The following BMP8B variants were observed in gnomAD, a reference collection of about 807,000 sequenced individuals.
BMP8B encodes bone morphogenetic protein 8 (osteogenic protein 2).
BMP8B carries 17 observed loss-of-function variants against 30.3 expected under a neutral mutation model. That is an observed-to-expected ratio of 0.56 (90% CI 0.38 to 0.84). BMP8B has a LOEUF of 0.84. Ranked by LOEUF, BMP8B falls within the 40% of genes least tolerant of loss-of-function variation. The probability of loss-of-function intolerance (pLI) is 0.00; values close to 1 mark genes in which losing one functional copy is unlikely to be tolerated. For synonymous variants in BMP8B, 131 were observed against 214.7 expected, an observed-to-expected ratio of 0.61 and a Z score of 3.41; for missense variants, 253 against 494.6, an observed-to-expected ratio of 0.51 and a Z score of 4.63.
At chr1:39,762,722 C>T (rs1649166162) in intron 6 of BMP8B, 7 of 1,439,778 alleles carry the variant, frequency 4.9e-6, no homozygotes, top group Admixed American at 2.7e-5. Flanking sequence ...TGCCAGCGTA[C>T]TCGGCGGCCC....
chr1:39,766,955 G>T (rs1649657507), intron 3 of BMP8B, among the ~76,000 whole-genome samples: 1 of 152,264 alleles, frequency 6.6e-6, no homozygotes, highest in African/African-American at 2.4e-5. Context: ...GCCCAGGGCA[G>T]CCCTCCTGGC....
chr1:39,760,206 C>A lies in BMP8B; in HGVS notation c.*213G>T. ...GAACACTGCCTGATGATTGAGACCA[C>A]CTGGGCTGGAAACAGGACAGTCACA... On this transcript the variant is annotated 3_prime_UTR_variant, in exon 7 of 7. Coordinates refer to ENST00000372827, the MANE Select transcript of BMP8B (RefSeq NM_001720.5). 3 of 809,188 alleles carry A rather than the reference C, an allele frequency of 3.7e-6. No homozygotes were observed. Among genetic ancestry groups the A allele is most frequent in the Non-Finnish European group, 5.7e-6 (3 of 530,492 alleles). 50.1% of individuals were successfully genotyped at this position (809,188 alleles called of 1,614,324 possible). A position where few individuals can be genotyped will look rare whatever the true frequency, so the allele number is the denominator to read the frequency against.
intron 6 of BMP8B, among the ~76,000 whole-genome samples, chr1:39,762,858 G>A (rs988531186): frequency 5.9e-5 from 9 of 152,260 alleles, no homozygotes; most frequent in Admixed American, 2.6e-4. Flanking sequence ...ACAGGCATGT[G>A]TACACGACTG....
intron 1 of BMP8B, among the ~76,000 whole-genome samples, chr1:39,786,324 C>A (rs1650977942): frequency 6.6e-6 from 1 of 152,232 alleles, no homozygotes; most frequent in South Asian, 2.1e-4. Context: ...GGGCCTGGGG[C>A]CAACAGTGCC....
chr1:39,787,605 C>A (rs1651071407), intron 1 of BMP8B, among the ~76,000 whole-genome samples: 1 of 152,120 alleles, frequency 6.6e-6, no homozygotes, highest in African/African-American at 2.4e-5. Flanking sequence ...AGGCAACAGT[C>A]CCTGCCCCAG....
rs548095201 is a variant in BMP8B, at chr1:39,785,763, G to A, written c.334+2389C>T. 2.0e-5 allele frequency among the ~76,000 whole-genome samples: 3 copies of A among 152,260 alleles called. No individual in the cohort carries two copies. The South Asian group carries it at 6.2e-4, about 32-fold the overall frequency. On this transcript the variant is annotated intron_variant, in intron 1 of 6. Transcript: ENST00000372827. ...CAGGAGAAGGGCCACCAACCTCCAG[G>A]GGCCTCCAAACATGGAGAGCATCCT...
intron 1 of BMP8B, among the ~76,000 whole-genome samples, chr1:39,787,324 C>G (rs1410795381): frequency 6.6e-6 from 1 of 152,216 alleles, no homozygotes; most frequent in African/African-American, 2.4e-5. Flanking sequence ...CCCAGACTGT[C>G]ACTAGCCACA....
intron 6 of BMP8B, chr1:39,762,729 G>A: frequency 1.4e-6 from 2 of 1,429,916 alleles, no homozygotes; most frequent in East Asian, 5.0e-5. Context: ...GTACTCGGCG[G>A]CCCGTGTGCT....
chr1:39,770,319 C>A lies in BMP8B; in HGVS notation c.673+3989G>T, dbSNP rs571438719. The stretch of plus-strand genomic sequence containing the variant: ...CCTATGCCCAGATTGGCGTACATGC[C>A]GTCCTCAAATTCCAGAGCTGCGCGT... On this transcript the variant is annotated intron_variant, in intron 3 of 6. Coordinates refer to ENST00000372827, the MANE Select transcript of BMP8B (RefSeq NM_001720.5). 6.3e-7 allele frequency: 1 copy of A among 1,587,082 alleles called. No individual in the cohort carries two copies. The highest frequency in any genetic ancestry group is 8.5e-7 in the Non-Finnish European group (1 of 1,171,938).
intron 6 of BMP8B, chr1:39,762,360 CT>C: frequency 9.9e-7 from 1 of 1,008,486 alleles, no homozygotes; most frequent in Admixed American, 3.2e-5. Context: ...GTTGAACCTC[CT>C]AAGGGGAAAA....
chr1:39,763,112 G>T lies in BMP8B; in HGVS notation c.1039C>A (p.His347Asn). Residue 347 changes from histidine (H) to asparagine (N), a missense_variant, in exon 6 of 7, where the codon CAC becomes AAC. His to Asn is a moderately conservative substitution (Grantham distance 68). Coordinates refer to ENST00000372827, the MANE Select transcript of BMP8B (RefSeq NM_001720.5). ...CTGACCAGGGACTGCAGGATGGCGTGGTTGGTGGCATTCATGCAGGAGTCC... is the reference window on the plus strand; with the variant it reads ...CTGACCAGGGACTGCAGGATGGCGTTGTTGGTGGCATTCATGCAGGAGTCC... ...PLDSCMNATN[H>N]AILQSLVHLM... 4 of 1,614,038 alleles carry T rather than the reference G, an allele frequency of 2.5e-6. No individual in the cohort carries two copies. The highest frequency in any genetic ancestry group is 3.4e-6 in the Non-Finnish European group (4 of 1,179,948).
intron 6 of BMP8B, chr1:39,762,724 C>T (rs973933782): frequency 1.9e-5 from 27 of 1,438,052 alleles, no homozygotes; most frequent in South Asian, 2.9e-5. Flanking sequence ...CCAGCGTACT[C>T]GGCGGCCCGT....
intron 5 of BMP8B, among the ~76,000 whole-genome samples, 197 bp from the exon 6 acceptor site, chr1:39,763,399 G>GGCCCTCCCCAGCCGGCCCTCCCCAGCCC: frequency 6.9e-6 from 1 of 144,472 alleles, no homozygotes; most frequent in Non-Finnish European, 1.5e-5. Flanking sequence ...CTCCCCAGCC[G>GGCCCTCCCCAGCCGGCCCTCCCCAGCCC]GCCCTCCCCT....
intron 3 of BMP8B, chr1:39,770,135 C>T (rs754147501): frequency 1.8e-5 from 22 of 1,219,134 alleles, no homozygotes; most frequent in Non-Finnish European, 2.4e-5. Flanking sequence ...GAAGAAGCAG[C>T]CCCCGGGAAG....
rs759824445 is a variant in BMP8B, at chr1:39,759,685, T to G, written c.*734A>C. 2.0e-5 allele frequency: 3 copies of G among 152,270 alleles called. No homozygotes were observed. The highest frequency in any genetic ancestry group is 6.5e-5 in the Admixed American group (1 of 15,286). 9.4% of individuals were successfully genotyped at this position (152,270 alleles called of 1,614,324 possible). A position where few individuals can be genotyped will look rare whatever the true frequency, so the allele number is the denominator to read the frequency against. ...CATGGTGGCAGATAGATGGGTCAAT[T>G]GGAAGCCCCAAGATTTTTCTGTTTC... On this transcript the variant is annotated 3_prime_UTR_variant, in exon 7 of 7. Transcript: ENST00000372827.
chr1:39,783,395 T>C (rs1325240807), intron 1 of BMP8B, among the ~76,000 whole-genome samples: 1 of 152,102 alleles, frequency 6.6e-6, no homozygotes, highest in Non-Finnish European at 1.5e-5. Flanking sequence ...CGGAAATGGG[T>C]AGGACCAGTC....
rs747475798 is a variant in BMP8B, at chr1:39,788,233, C to T, written c.253G>A (p.Ala85Thr). ...GCGCCGTCCTCGTCGTCGTCGCCGG[C>T]CATGGCGTGGTACAGGTCCAGCATG... ...LFMLDLYHAM[A>T]GDDDEDGAPA... Residue 85 changes from alanine to threonine, a missense_variant, in exon 1 of 7, where the codon GCC (alanine) becomes ACC (threonine). Around this residue, in one of 7 missense-constraint regions of BMP8B, gnomAD observed 52 missense variants for 68.3 expected, o/e 0.76. Coordinates refer to ENST00000372827, the MANE Select transcript of BMP8B (RefSeq NM_001720.5). The surrounding 1 kb of genome is among the most constrained non-coding windows in gnomAD (Gnocchi z 5.8). 66 of 1,569,076 alleles carry T rather than the reference C, an allele frequency of 4.2e-5. No homozygotes were observed. Among genetic ancestry groups the T allele is most frequent in the Non-Finnish European group, 5.4e-5 (63 of 1,167,372 alleles).
At chr1:39,775,469 A>G (rs1445707516) in intron 1 of BMP8B, among the ~76,000 whole-genome samples, 1 of 152,198 alleles carries the variant, frequency 6.6e-6, no homozygotes, top group Non-Finnish European at 1.5e-5. Context: ...AGACAGGAAC[A>G]TAACCGACAT....
At chr1:39,768,339 C>T (rs1466374954) in intron 3 of BMP8B, among the ~76,000 whole-genome samples, 1 of 76,514 alleles carries the variant, frequency 1.3e-5, no homozygotes, top group South Asian at 3.6e-4. Flanking sequence ...TGGCCACACA[C>T]AGAGGAAGCT....
Sources: gnomAD v4.1 joint callset for allele counts (sites outside exome capture counted in the v4.1 genomes callset) on GRCh38, gnomAD v4.1.1 for gene constraint, gnomAD v4.1.1 regional missense constraint, Gnocchi (gnomAD v3.1) non-coding constraint, MANE v1.5 for transcripts, NCBI Gene and HGNC (gene_info 2026-07-23, HGNC 2026-07-21) for gene names.